LOC400499: variants seen among roughly 807,000 people sequenced by gnomAD.
chr16:11,382,343 AG>A, the LOC400499 span, among the ~76,000 whole-genome samples: 1 of 152,220 alleles, frequency 6.6e-6, no homozygotes, highest in African/African-American at 2.4e-5. Flanking sequence ...TCTGAATGGC[AG>A]CCACTAATTC....
the LOC400499 span, among the ~76,000 whole-genome samples, chr16:11,381,792 T>G: frequency 6.6e-6 from 1 of 152,242 alleles, no homozygotes; most frequent in Non-Finnish European, 1.5e-5. Context: ...TATCAACATG[T>G]TCTTCCTTCT....
At chr16:11,479,316 G>C in the LOC400499 span, among the ~76,000 whole-genome samples, 1 of 152,188 alleles carries the variant, frequency 6.6e-6, no homozygotes, top group Admixed American at 6.5e-5. Context: ...TTAGATTTAC[G>C]GAAAAGTTGA....
chr16:11,498,422 C>T, the LOC400499 span, among the ~76,000 whole-genome samples: 4 of 152,228 alleles, frequency 2.6e-5, no homozygotes, highest in South Asian at 4.2e-4. Context: ...GTGGAGGTTG[C>T]AGTGAGCCGA....
At chr16:11,395,679 C>T in the LOC400499 span, among the ~76,000 whole-genome samples, 1 of 152,218 alleles carries the variant, frequency 6.6e-6, no homozygotes, top group Non-Finnish European at 1.5e-5. Flanking sequence ...AACCATTCTG[C>T]AAGGGAGATG....
the LOC400499 span, among the ~76,000 whole-genome samples, chr16:11,376,002 G>A: frequency 6.6e-6 from 1 of 152,220 alleles, no homozygotes; most frequent in East Asian, 1.9e-4. Context: ...GGCTCCCAAA[G>A]TGCTGGAATC....
chr16:11,426,491 A>T, the LOC400499 span, among the ~76,000 whole-genome samples: 3 of 152,300 alleles, frequency 2.0e-5, no homozygotes, highest in East Asian at 1.9e-4. Flanking sequence ...GCAAACATTA[A>T]AATTATTTGT....
the LOC400499 span, among the ~76,000 whole-genome samples, chr16:11,502,447 T>C: frequency 3.3e-5 from 5 of 152,196 alleles, no homozygotes; most frequent in Admixed American, 1.3e-4. Flanking sequence ...GTGCCTTGCA[T>C]TGCACTCAGG....
At chr16:11,420,662 G>A in the LOC400499 span, among the ~76,000 whole-genome samples, 1 of 126,438 alleles carries the variant, frequency 7.9e-6, no homozygotes, top group Non-Finnish European at 1.5e-5. Flanking sequence ...CCACAATTTC[G>A]AAGGAGCTAC....
chr16:11,466,255 T>C, the LOC400499 span, among the ~76,000 whole-genome samples: 455 of 152,302 alleles, frequency 3.0e-3, 4 homozygotes, highest in African/African-American at 0.01. Context: ...GTTTTGAGTC[T>C]ATACCAGCGC....
At chr16:11,460,521 G>A in the LOC400499 span, 23 of 1,534,286 alleles carry the variant, frequency 1.5e-5, no homozygotes, top group Middle Eastern at 5.0e-4. Context: ...AGCTCGTGGC[G>A]CAGCTCCAGC....
the LOC400499 span, among the ~76,000 whole-genome samples, chr16:11,393,870 G>C: frequency 6.6e-6 from 1 of 152,176 alleles, no homozygotes; most frequent in East Asian, 1.9e-4. Context: ...TTGAGCCCAG[G>C]AGTTTCAGAC....
chr16:11,404,678 C>G, the LOC400499 span: 2 of 399,012 alleles, frequency 5.0e-6, no homozygotes, highest in Non-Finnish European at 8.8e-6. Flanking sequence ...TGGGCCACCC[C>G]TGCCTGCAGC....
the LOC400499 span, chr16:11,488,861 G>C: frequency 2.5e-6 from 1 of 398,868 alleles, no homozygotes; most frequent in Non-Finnish European, 4.4e-6. Context: ...CCACACAAAA[G>C]AACCCACTGG....
the LOC400499 span, chr16:11,436,001 T>C: frequency 2.5e-6 from 1 of 397,586 alleles, no homozygotes; most frequent in East Asian, 3.6e-5. Context: ...CCAATCATGG[T>C]AGACAGCACA....
the LOC400499 span, among the ~76,000 whole-genome samples, chr16:11,452,212 T>G: frequency 6.6e-6 from 1 of 151,730 alleles, no homozygotes; most frequent in Non-Finnish European, 1.5e-5. Flanking sequence ...TTTGTTTTTT[T>G]TTTTTTTTTG....
chr16:11,436,746 C>A, the LOC400499 span, among the ~76,000 whole-genome samples: 1 of 152,068 alleles, frequency 6.6e-6, no homozygotes, highest in African/African-American at 2.4e-5. Context: ...CGCCACCATG[C>A]CCAGCTAATT....
the LOC400499 span, chr16:11,417,936 T>C: frequency 2.5e-6 from 1 of 397,784 alleles, no homozygotes; most frequent in Non-Finnish European, 4.4e-6. Context: ...GGGTTATCAG[T>C]GCCATCCACG....
the LOC400499 span, among the ~76,000 whole-genome samples, chr16:11,442,941 T>G: frequency 3.3e-4 from 50 of 152,104 alleles, no homozygotes; most frequent in African/African-American, 1.2e-3. Flanking sequence ...CTCGTTTAAC[T>G]AATGGTGAAG....
the LOC400499 span, chr16:11,494,548 G>A: frequency 1.2e-5 from 3 of 252,688 alleles, no homozygotes; most frequent in African/African-American, 2.3e-5. Flanking sequence ...CACTGAAGCC[G>A]GTACTCAGGA....
Sources: gnomAD v4.1 joint callset for allele counts (sites outside exome capture counted in the v4.1 genomes callset) on GRCh38, gnomAD v4.1.1 for gene constraint, MANE v1.5 for transcripts.